Variants in MAGEC3 observed in about 807,000 individuals in gnomAD.
MAGEC3 encodes the protein melanoma-associated antigen C3.
A neutral mutation model predicts 35.3 loss-of-function variants in MAGEC3; 34 were observed. That is an observed-to-expected ratio of 0.96 (90% CI 0.73 to 1.28). MAGEC3 has a LOEUF of 1.28. Among genes scored for constraint, MAGEC3 ranks in the 50% most tolerant of loss-of-function variants. The probability of loss-of-function intolerance (pLI) is 0.00; values close to 1 mark genes in which losing one functional copy is unlikely to be tolerated. For missense variants in MAGEC3, 561 were observed against 483.6 expected (o/e 1.16, Z -1.50); for synonymous variants, 202 against 185.6 (o/e 1.09, Z -0.72).
chrX:141,895,779 G>A (rs1030178224), intron 6 of MAGEC3, among the ~76,000 whole-genome samples: 13 of 109,215 alleles, frequency 1.2e-4, no homozygotes, highest in African/African-American at 4.0e-4. Flanking sequence ...GGTCTGGGGG[G>A]TTCCATGACA....
chrX:141,876,060 G>C (rs1428128499), intron 2 of MAGEC3, among the ~76,000 whole-genome samples: 1 of 112,404 alleles, frequency 8.9e-6, no homozygotes, highest in Non-Finnish European at 1.9e-5. Flanking sequence ...CCTGAATCCT[G>C]CTGAGGGTCC....
chrX:141,842,061 T>G (rs1007811094), intron 1 of MAGEC3, among the ~76,000 whole-genome samples: 8 of 112,066 alleles, frequency 7.1e-5, no homozygotes, highest in Non-Finnish European at 1.3e-4. Flanking sequence ...TTTAAATTGC[T>G]TAATAGTATG....
At chrX:141,860,032 AT>A (rs2017805649) in intron 1 of MAGEC3, among the ~76,000 whole-genome samples, 1 of 112,067 alleles carries the variant, frequency 8.9e-6, no homozygotes, top group Non-Finnish European at 1.9e-5. Flanking sequence ...AACTGCTGGT[AT>A]TCAGATTCCC....
intron 1 of MAGEC3, among the ~76,000 whole-genome samples, chrX:141,858,471 C>G (rs1386969026): frequency 1.8e-5 from 2 of 111,524 alleles, no homozygotes; most frequent in African/African-American, 6.5e-5. Flanking sequence ...TCAACAATCT[C>G]TAAAACCTCG....
intron 1 of MAGEC3, among the ~76,000 whole-genome samples, chrX:141,858,088 A>T (rs1119115): frequency 0.36 from 39,142 of 109,562 alleles, 5,419 homozygotes; most frequent in Non-Finnish European, 0.44. Context: ...TATATAAGTT[A>T]TAACTTTATA....
At chrX:141,876,232 C>A (rs924632050) in intron 2 of MAGEC3, among the ~76,000 whole-genome samples, 1 of 111,855 alleles carries the variant, frequency 8.9e-6, no homozygotes, top group Non-Finnish European at 1.9e-5. Flanking sequence ...AACACAACAT[C>A]CCCCATTCAT....
intron 2 of MAGEC3, among the ~76,000 whole-genome samples, chrX:141,875,438 G>A (rs1322097788): frequency 2.7e-5 from 3 of 111,225 alleles, no homozygotes; most frequent in Admixed American, 9.5e-5. Flanking sequence ...CCAAACCTGT[G>A]CGCAAAACAT....
At chrX:141,886,024 A>G (rs1162071603) in intron 4 of MAGEC3, among the ~76,000 whole-genome samples, 2 of 111,232 alleles carry the variant, frequency 1.8e-5, no homozygotes, top group East Asian at 5.7e-4. Context: ...TTTAAATGCA[A>G]TGGGAATAAT....
At chrX:141,854,944 A>T (rs1177237389) in intron 1 of MAGEC3, among the ~76,000 whole-genome samples, 1 of 111,660 alleles carries the variant, frequency 9.0e-6, no homozygotes, top group Non-Finnish European at 1.9e-5. Context: ...CTCACATGGG[A>T]GTTAGTCATA....
intron 1 of MAGEC3, among the ~76,000 whole-genome samples, chrX:141,855,749 ATAGT>A (rs1412689669): frequency 1.8e-5 from 2 of 111,803 alleles, no homozygotes; most frequent in African/African-American, 6.5e-5. Flanking sequence ...TAAATTGAAA[ATAGT>A]TAATTTTAGG....
intron 1 of MAGEC3, among the ~76,000 whole-genome samples, chrX:141,857,403 C>T (rs2124093411): frequency 9.0e-6 from 1 of 111,016 alleles, no homozygotes; most frequent in African/African-American, 3.3e-5. Context: ...CTCCACAAAC[C>T]TCTATATTTT....
At chrX:141,884,752 G>C (rs774697789) in intron 4 of MAGEC3, among the ~76,000 whole-genome samples, 22 of 111,845 alleles carry the variant, frequency 2.0e-4, no homozygotes, top group Non-Finnish European at 3.6e-4. Context: ...CTGCTTGTGA[G>C]AAAAAAGTTT....
intron 1 of MAGEC3, among the ~76,000 whole-genome samples, chrX:141,841,588 A>G (rs1413380215): frequency 9.0e-6 from 1 of 111,708 alleles, no homozygotes; most frequent in Non-Finnish European, 1.9e-5. Flanking sequence ...AGCATAAAAT[A>G]TTATTGAGGG....
chrX:141,855,497 C>A (rs2017775069), intron 1 of MAGEC3, among the ~76,000 whole-genome samples: 1 of 107,862 alleles, frequency 9.3e-6, no homozygotes, highest in African/African-American at 3.3e-5. Context: ...TCTTTCACAG[C>A]TATAATCTAT....
chrX:141,840,108 GCT>G, intron 1 of MAGEC3: 1 of 544,576 alleles, frequency 1.8e-6, no homozygotes, highest in Non-Finnish European at 2.2e-6. Context: ...CTATTCTATA[GCT>G]GTTAAATGAT....
chrX:141,856,028 G>C (rs898602398), intron 1 of MAGEC3, among the ~76,000 whole-genome samples: 6 of 111,474 alleles, frequency 5.4e-5, no homozygotes, highest in Non-Finnish European at 1.1e-4. Context: ...AAAGGCTAAA[G>C]GTGTCCAGGT....
chrX:141,863,628 T>C (rs1160499893), intron 1 of MAGEC3, among the ~76,000 whole-genome samples: 1 of 111,780 alleles, frequency 8.9e-6, no homozygotes, highest in Non-Finnish European at 1.9e-5. Flanking sequence ...AATAATATTC[T>C]AGAACATAAA....
At chrX:141,864,781 T>C (rs2017837758) in intron 1 of MAGEC3, among the ~76,000 whole-genome samples, 1 of 111,103 alleles carries the variant, frequency 9.0e-6, no homozygotes, top group South Asian at 3.8e-4. Context: ...TTAAAATAAA[T>C]TTAAAAAAAA....
chrX:141,890,024 G>A (rs1397060058), intron 4 of MAGEC3, among the ~76,000 whole-genome samples: 1 of 111,436 alleles, frequency 9.0e-6, no homozygotes, highest in Non-Finnish European at 1.9e-5. Flanking sequence ...AAGATGTGTT[G>A]ACTTCATATC....
Sources: gnomAD v4.1 joint callset for allele counts (sites outside exome capture counted in the v4.1 genomes callset) on GRCh38, gnomAD v4.1.1 for gene constraint, MANE v1.5 for transcripts, NCBI Gene and HGNC (gene_info 2026-07-23, HGNC 2026-07-21) for gene names.